UCP3: variants seen among roughly 807,000 people sequenced by gnomAD.
UCP3 encodes the protein putative mitochondrial transporter UCP3.
Under a neutral mutation model 28.1 loss-of-function variants are expected in UCP3, and 24 were observed. That is an observed-to-expected ratio of 0.85 (90% confidence interval 0.62 to 1.20). The LOEUF (loss-of-function observed/expected upper bound fraction) is 1.20. Among genes scored for constraint, UCP3 ranks in the 50% most tolerant of loss-of-function variants. The probability of loss-of-function intolerance (pLI) is 0.00; values close to 1 mark genes in which losing one functional copy is unlikely to be tolerated. For synonymous variants in UCP3, 184 were observed against 171.2 expected (o/e 1.07, Z -0.59); for missense variants, 397 against 422.2 (o/e 0.94, Z 0.52).
intron 1 of UCP3, 35 bp from the exon 2 acceptor site, chr11:74,007,172 G>T: frequency 7.9e-7 from 1 of 1,262,824 alleles, no homozygotes; most frequent in South Asian, 1.4e-5. Flanking sequence ...CTGATGGAGT[G>T]ATGTCTGGCC....
intron 2 of UCP3, among the ~76,000 whole-genome samples, 196 bp downstream of exon 2, chr11:74,006,721 C>A (rs1216523879): frequency 6.6e-6 from 1 of 152,184 alleles, no homozygotes; most frequent in Non-Finnish European, 1.5e-5. Flanking sequence ...GGCCCTGTCA[C>A]ATCATGCAAA....
chr11:74,001,233 T>A lies in UCP3; in HGVS notation c.*179A>T. On this transcript the variant is annotated 3_prime_UTR_variant, in exon 7 of 7. Coordinates refer to ENST00000314032, the MANE Select transcript of UCP3 (RefSeq NM_003356.4). ...GCAAAACAAAGGTGTTCTTGAGGCATGGCAGTGAAGACCAGAATCCCTCCT... is the reference window on the plus strand; with the variant it reads ...GCAAAACAAAGGTGTTCTTGAGGCAAGGCAGTGAAGACCAGAATCCCTCCT... 1.6e-6 allele frequency: 1 copy of A among 624,696 alleles called. No homozygotes were observed. The highest frequency in any genetic ancestry group is 2.8e-6 in the Non-Finnish European group (1 of 352,744). 38.7% of individuals were successfully genotyped at this position (624,696 alleles called of 1,614,324 possible).
chr11:74,008,252 G>A (rs1259924346), intron 1 of UCP3, among the ~76,000 whole-genome samples: 2 of 152,194 alleles, frequency 1.3e-5, no homozygotes, highest in Non-Finnish European at 1.5e-5. Context: ...TCAGACTTCA[G>A]GGAGAGCCAA....
At chr11:74,006,402 G>T in intron 2 of UCP3, 23 bp from the exon 3 acceptor site, 1 of 1,522,164 alleles carries the variant, frequency 6.6e-7, no homozygotes. Flanking sequence ...AGCAGGGGGT[G>T]AGGACTCAGA....
At position 74,001,233 on chromosome 11, in the gene UCP3, T is replaced by C. The variant is rs2135384842; in HGVS notation, c.*179A>G. The C allele has an allele frequency of 1.6e-6, 1 of 624,696 alleles. No homozygotes were observed. Among genetic ancestry groups the C allele is most frequent in the African/African-American group, 1.8e-5 (1 of 54,460 alleles). The allele number at this position is 624,696 out of a possible 1,614,324, so 38.7% of individuals were successfully genotyped here. ...GCAAAACAAAGGTGTTCTTGAGGCA[T>C]GGCAGTGAAGACCAGAATCCCTCCT... On this transcript the variant is annotated 3_prime_UTR_variant, in exon 7 of 7. Transcript: ENST00000314032.
rs760134386 is a variant in UCP3 at position 74,006,389 on chromosome 11, A to G, written c.127-10T>C. The G allele has an allele frequency of 1.4e-5, 22 of 1,547,742 alleles. No homozygotes were observed. In the African/African-American group the frequency reaches 2.8e-4, roughly 20 times the overall value. On this transcript the variant is annotated splice_polypyrimidine_tract_variant and intron_variant, in intron 2 of 6. Transcript: ENST00000314032. ...GGTTCTCCCCCTGGATCTGAGGGAC[A>G]ATAGCAGGGGGTGAGGACTCAGATG...
At chr11:74,002,967 T>C in intron 6 of UCP3, 1 of 983,728 alleles carries the variant, frequency 1.0e-6, no homozygotes, top group Non-Finnish European at 1.2e-6. Context: ...ACGGTCAGGG[T>C]TTGAGCCATG....
chr11:74,005,381 C>A (rs1240607586), intron 4 of UCP3, among the ~76,000 whole-genome samples: 1 of 152,220 alleles, frequency 6.6e-6, no homozygotes, highest in East Asian at 1.9e-4. Flanking sequence ...GTCACCTTCT[C>A]TGCAGAGCCC....
rs763567764 is a variant in UCP3, at chr11:74,006,229, AG to A, written c.276del (p.Ser93ProfsTer39). 1.9e-6 allele frequency: 3 copies of A among 1,613,984 alleles called. No individual in the cohort carries two copies. The African/African-American group carries it at 4.0e-5, about 22-fold the overall frequency. Reference sequence around the variant, plus strand: ...GAGTCATAGAGGCCGATGCGGATGGAGGCGAAGCTCATCTGGCGCTGCAGGC... The same window carrying A: ...GAGTCATAGAGGCCGATGCGGATGGAGCGAAGCTCATCTGGCGCTGCAGGC... Reference protein sequence around the residue: ...VAGLQRQMSFASIRIGLYDSV... With the variant: ...VAGLQRQMSFXSIRIGLYDSV... On this transcript the variant is annotated frameshift_variant, in exon 3 of 7. Transcript: ENST00000314032. LOFTEE classifies it high-confidence loss of function.
At chr11:74,003,150 A>G (rs930227075) in intron 6 of UCP3, among the ~76,000 whole-genome samples, 1 of 152,272 alleles carries the variant, frequency 6.6e-6, no homozygotes, top group African/African-American at 2.4e-5. Context: ...TGTGATAATC[A>G]TAAACAACCT....
At chr11:74,006,145 G>A (rs768773047) in intron 3 of UCP3, 24 bp downstream of exon 3, 3 of 1,613,340 alleles carry the variant, frequency 1.9e-6, no homozygotes, top group Admixed American at 1.7e-5. Context: ...CACCCCTTTG[G>A]TGTTCAGGGA....
chr11:74,006,451 C>A, intron 2 of UCP3, 72 bp from the exon 3 acceptor site: 1 of 1,424,690 alleles, frequency 7.0e-7, no homozygotes, highest in Non-Finnish European at 9.2e-7. Flanking sequence ...AGGAACCCTG[C>A]TGGGGCTGGG....
rs1951618211 is a variant in UCP3, at chr11:74,001,020, C to G, written c.*392G>C. ...TGATCTCCCACTCCATTGTGGGCCCCTCCTGTCCCGTGCTTGCCATCCTTC... is the reference window on the plus strand; with the variant it reads ...TGATCTCCCACTCCATTGTGGGCCCGTCCTGTCCCGTGCTTGCCATCCTTC... On this transcript the variant is annotated 3_prime_UTR_variant, in exon 7 of 7. Coordinates refer to ENST00000314032, the MANE Select transcript of UCP3 (RefSeq NM_003356.4). 7.5e-5 allele frequency: 21 copies of G among 278,662 alleles called. No homozygotes were observed. The South Asian group carries it at 1.1e-3, about 14-fold the overall frequency. The allele number at this position is 278,662 out of a possible 1,614,324, so 17.3% of individuals were successfully genotyped here.
chr11:74,005,670 C>T (rs1951658252), intron 4 of UCP3, 60 bp downstream of exon 4: 1 of 1,598,958 alleles, frequency 6.3e-7, no homozygotes, highest in Admixed American at 1.7e-5. Flanking sequence ...GGTCCCTGCC[C>T]CAGCCTGAGG....
chr11:74,006,796 GGAGT>G, intron 2 of UCP3, 117 bp downstream of exon 2: 1 of 1,502,838 alleles, frequency 6.7e-7, no homozygotes, highest in Non-Finnish European at 9.2e-7. Context: ...CCTAAGCAGT[GGAGT>G]GAGAGTCTTT....
intron 1 of UCP3, among the ~76,000 whole-genome samples, chr11:74,007,892 C>T (rs1013314312): frequency 1.3e-5 from 2 of 152,142 alleles, no homozygotes; most frequent in African/African-American, 4.8e-5. Context: ...CCCCTAGCAG[C>T]CGGCAGCCTT....
At position 74,001,684 on chromosome 11, in the gene UCP3, T is replaced by C. The variant is rs369886256; in HGVS notation, c.825-158A>G. The C allele has an allele frequency of 2.6e-4, 176 of 681,990 alleles. No individual in the cohort carries two copies. The African/African-American group carries it at 3.0e-3, about 11-fold the overall frequency. 42.2% of individuals were successfully genotyped at this position (681,990 alleles called of 1,614,324 possible). A position where few individuals can be genotyped will look rare whatever the true frequency, so the allele number is the denominator to read the frequency against. ...TTCAGTCTCTCTCTCTCTTTTTTTT[T>C]TCTGCTAAGGGGATTTAGGCAGAAG... is the stretch of plus-strand genomic sequence containing the variant. On this transcript the variant is annotated intron_variant, in intron 6 of 6. Coordinates refer to ENST00000314032, the MANE Select transcript of UCP3 (RefSeq NM_003356.4).
Position 74,009,056 on chromosome 11 carries a change from G to A in UCP3, c.-174C>T, listed in dbSNP as rs1370480931. 6.6e-6 allele frequency: 1 copy of A among 152,474 alleles called. No individual in the cohort carries two copies. Among genetic ancestry groups the A allele is most frequent in the African/African-American group, 2.4e-5 (1 of 41,428 alleles). 9.4% of individuals were successfully genotyped at this position (152,474 alleles called of 1,614,324 possible). A position where few individuals can be genotyped will look rare whatever the true frequency, so the allele number is the denominator to read the frequency against. ...CAGGAGGTGGCAGCAGGGATTGGAT[G>A]GCCCCTCCTTGTCATTCACTGTTGT... On this transcript the variant is annotated 5_prime_UTR_variant, in exon 1 of 7. Transcript: ENST00000314032.
Position 74,001,540 on chromosome 11 carries a change from C to A in UCP3, c.825-14G>T, listed in dbSNP as rs748816217. 3.1e-6 allele frequency: 5 copies of A among 1,613,166 alleles called. No homozygotes were observed. Among genetic ancestry groups the A allele is most frequent in the Non-Finnish European group, 4.2e-6 (5 of 1,179,158 alleles). On this transcript the variant is annotated splice_polypyrimidine_tract_variant and intron_variant, in intron 6 of 6. Coordinates refer to ENST00000314032, the MANE Select transcript of UCP3 (RefSeq NM_003356.4). ...GAGGGTGTAAATCTGATAAGAAAAA[C>A]AACCAACACATCAGGTGGAGTGCTA...
Sources: allele counts gnomAD v4.1 joint callset (sites outside exome capture counted in the v4.1 genomes callset), GRCh38; gene constraint gnomAD v4.1.1; transcripts MANE v1.5; gene names NCBI Gene and HGNC (gene_info 2026-07-23, HGNC 2026-07-21).